Variants in PRKAR1A observed in about 807,000 individuals in gnomAD.
PRKAR1A encodes the protein protein kinase cAMP-dependent type I regulatory subunit alpha.
A neutral mutation model predicts 52.0 loss-of-function variants in PRKAR1A; 3 were observed. The ratio of observed to expected loss-of-function variants is 0.06; its 90% confidence interval spans 0.03 to 0.15. PRKAR1A has a LOEUF of 0.15. Among genes scored for constraint, PRKAR1A ranks in the 10% least tolerant of loss-of-function variants. The pLI is 1.00. For synonymous variants in PRKAR1A, 188 were observed against 168.4 expected, an observed-to-expected ratio of 1.12 and a Z score of -0.90; for missense variants, 240 against 477.4, an observed-to-expected ratio of 0.50 and a Z score of 4.63.
the PRKAR1A span, among the ~76,000 whole-genome samples, chr17:68,468,687 A>G: frequency 6.6e-6 from 1 of 152,312 alleles, no homozygotes; most frequent in African/African-American, 2.4e-5. Flanking sequence ...TTCCAAAAAC[A>G]TGACTGAATG....
chr17:68,520,595 AGACT>A (rs1568692791), intron 2 of PRKAR1A, among the ~76,000 whole-genome samples: 2 of 152,180 alleles, frequency 1.3e-5, no homozygotes, highest in Non-Finnish European at 2.9e-5. Context: ...AGGAGGAAGG[AGACT>A]GACAGAAGGA....
chr17:68,471,823 C>CAA, the PRKAR1A span, among the ~76,000 whole-genome samples: 2 of 151,746 alleles, frequency 1.3e-5, no homozygotes, highest in Admixed American at 6.6e-5. Context: ...TTTTTTTAGA[C>CAA]AGAGTCTTGC....
At chr17:68,539,627 T>C (rs1428568881) in intron 11 of PRKAR1A, among the ~76,000 whole-genome samples, 1 of 152,246 alleles carries the variant, frequency 6.6e-6, no homozygotes, top group Non-Finnish European at 1.5e-5. Flanking sequence ...GGCCAGCCAC[T>C]GAGGATGCAC....
chr17:68,469,121 T>C, the PRKAR1A span, among the ~76,000 whole-genome samples: 1 of 152,140 alleles, frequency 6.6e-6, no homozygotes, highest in Admixed American at 6.5e-5. Flanking sequence ...CAGGGAAAAT[T>C]GAGAGAGTCA....
At chr17:68,428,717 C>A in the PRKAR1A span, 2 of 795,946 alleles carry the variant, frequency 2.5e-6, no homozygotes, top group East Asian at 2.7e-5. Flanking sequence ...ACTGAGACTG[C>A]CAGTGAAGAA....
At chr17:68,426,242 T>TGGGGGG in the PRKAR1A span, 135 of 682,668 alleles carry the variant, frequency 2.0e-4, 25 homozygotes, top group Middle Eastern at 4.9e-4. Context: ...ACCTGGCGGG[T>TGGGGGG]GGGGAGCGGG....
the PRKAR1A span, chr17:68,441,144 T>G: frequency 6.6e-6 from 1 of 152,182 alleles, no homozygotes; most frequent in Non-Finnish European, 1.5e-5. Flanking sequence ...AGGACTTTCA[T>G]GGAGATTTCC....
the PRKAR1A span, among the ~76,000 whole-genome samples, chr17:68,479,506 C>A: frequency 6.6e-6 from 1 of 152,134 alleles, no homozygotes; most frequent in African/African-American, 2.4e-5. Context: ...GTTTCAGATA[C>A]TTCTTCCTCA....
At chr17:68,505,828 A>G in the PRKAR1A span, among the ~76,000 whole-genome samples, 1 of 152,188 alleles carries the variant, frequency 6.6e-6, no homozygotes. Flanking sequence ...TCACACACAC[A>G]GAAGTATCAA....
chr17:68,498,731 C>A, the PRKAR1A span, among the ~76,000 whole-genome samples: 1 of 152,258 alleles, frequency 6.6e-6, no homozygotes, highest in Non-Finnish European at 1.5e-5. Context: ...GCTTCCTGTG[C>A]TGGCTCTGAT....
chr17:68,514,160 G>C (rs2085357778), intron 1 of PRKAR1A, among the ~76,000 whole-genome samples: 1 of 152,136 alleles, frequency 6.6e-6, no homozygotes, highest in South Asian at 2.1e-4. Flanking sequence ...CTTTCTAATG[G>C]TCTGTTAATT....
chr17:68,459,793 T>C, the PRKAR1A span, among the ~76,000 whole-genome samples: 1,796 of 152,254 alleles, frequency 0.012, 34 homozygotes, highest in African/African-American at 0.04. Context: ...GTCAAAAATA[T>C]CATTTCAATA....
the PRKAR1A span, among the ~76,000 whole-genome samples, chr17:68,499,305 C>T: frequency 1.3e-5 from 2 of 151,496 alleles, no homozygotes; most frequent in Non-Finnish European, 2.9e-5. Context: ...TCCCTCTTAA[C>T]CTATTCTTCC....
the PRKAR1A span, among the ~76,000 whole-genome samples, chr17:68,499,368 A>AAGAGAGAGAGAGAGAGAGAG: frequency 3.0e-4 from 42 of 140,480 alleles, no homozygotes; most frequent in Admixed American, 4.4e-4. Flanking sequence ...AAGGGAGGAA[A>AAGAGAGAGAGAGAGAGAGAG]AGAGAGAGAG....
rs2086011152 is a variant in PRKAR1A at position 68,532,741 on chromosome 17, A to G, written c.*2292A>G. 9.4e-7 allele frequency: 1 copy of G among 1,066,182 alleles called. No homozygotes were observed. Among genetic ancestry groups the G allele is most frequent in the Non-Finnish European group, 1.1e-6 (1 of 879,510 alleles). The allele number at this position is 1,066,182 out of a possible 1,614,324, so 66.0% of individuals were successfully genotyped here. Reference sequence around the variant, plus strand: ...TGTCTTAATGGTAGGTCAAGTAATAAAAAGAGATGAAATAATTTAAATTCT... The same window carrying G: ...TGTCTTAATGGTAGGTCAAGTAATAGAAAGAGATGAAATAATTTAAATTCT... On this transcript the variant is annotated 3_prime_UTR_variant, in exon 11 of 11. Transcript: ENST00000589228.
rs1042584910 is a variant in PRKAR1A at position 68,518,293 on chromosome 17, C to T, written c.177+2717C>T. Among the ~76,000 whole-genome samples, 7 of 152,188 alleles carry T rather than the reference C, an allele frequency of 4.6e-5. No homozygotes were observed. The South Asian group carries it at 6.2e-4, about 14-fold the overall frequency. ...GGGGACTCGGTGTGGGGGCTCCAAA[C>T]GACCCCACATTTCCCTTCCGCACTG... On this transcript the variant is annotated intron_variant, in intron 2 of 10. Coordinates refer to ENST00000589228, the MANE Select transcript of PRKAR1A (RefSeq NM_002734.5).
chr17:68,426,254 G>GCCCCCGCCCCCCC, the PRKAR1A span: 1 of 816,924 alleles, frequency 1.2e-6, no homozygotes, highest in East Asian at 3.5e-5. Context: ...GGGAGCGGGG[G>GCCCCCGCCCCCCC]CTCAAATAAA....
At chr17:68,511,308 G>A (rs1361995152), upstream of PRKAR1A, among the ~76,000 whole-genome samples, 1 of 152,098 alleles carries the variant, frequency 6.6e-6, no homozygotes, top group Admixed American at 6.6e-5. Flanking sequence ...TCCTTGATGG[G>A]CCTTCTTTAT....
chr17:68,413,897 C>T, the PRKAR1A span: 2 of 152,486 alleles, frequency 1.3e-5, no homozygotes, highest in Non-Finnish European at 2.9e-5. Flanking sequence ...TCTGTCACCC[C>T]TTTCTTTGAC....
Sources: allele counts gnomAD v4.1 joint callset (sites outside exome capture counted in the v4.1 genomes callset), GRCh38; gene constraint gnomAD v4.1.1; transcripts MANE v1.5; gene names NCBI Gene and HGNC (gene_info 2026-07-23, HGNC 2026-07-21).